RIMBP2: variants seen among roughly 807,000 people sequenced by gnomAD.
The protein encoded by RIMBP2 is RIMS-binding protein 2.
Under a neutral mutation model 118.6 loss-of-function variants are expected in RIMBP2, and 48 were observed. The observed-to-expected ratio is 0.40, with a 90% CI of 0.32 to 0.51. The LOEUF (loss-of-function observed/expected upper bound fraction) is 0.51, where lower values mean the gene tolerates loss of function less well. Among genes scored for constraint, RIMBP2 ranks in the 20% least tolerant of loss-of-function variants. The pLI is 0.41. For missense variants in RIMBP2, 1,551 were observed against 1,768.3 expected (o/e 0.88, Z 2.20); for synonymous variants, 762 against 742.9 (o/e 1.03, Z -0.42).
In RIMBP2 at chr12:130,490,157, G is replaced by C. The variant is rs567582927; in HGVS notation, c.-3-11141C>G. Among the ~76,000 whole-genome samples the C allele has an allele frequency of 2.3e-4, 34 of 149,182 alleles. No individual in the cohort carries two copies. In the South Asian group the frequency reaches 4.9e-3, roughly 22 times the overall value. ...AAAAAAAAAAAGATAAAAAAGAAAA[G>C]TGAATTAAGTAATGTTGAGGGGGTT... is the stretch of plus-strand genomic sequence containing the variant. On this transcript the variant is annotated intron_variant, in intron 4 of 22. Coordinates refer to ENST00000690449, the MANE Select transcript of RIMBP2 (RefSeq NM_001393629.1).
At position 130,438,483 on chromosome 12, in the gene RIMBP2, T is replaced by A. The variant is rs773439882; in HGVS notation, c.1538A>T (p.Gln513Leu). ...GATGGTGGCGGGGGTCACCCCAGCC[T>A]GGACGGTAACATCTTGTGGGGGTGC... Reference protein sequence around the residue: ...PPAPPQDVTVQAGVTPATIRV... With the variant: ...PPAPPQDVTVLAGVTPATIRV... The change falls in exon 12 of 23, where the codon CAG (glutamine) becomes CTG (leucine). Residue 513 changes from glutamine (Q) to leucine (L), a missense_variant. Physicochemically the swap from Gln to Leu is moderately radical, Grantham distance 113. Around this residue, in one of 5 missense-constraint regions of RIMBP2, gnomAD observed 1,038 missense variants for 1,125.1 expected, o/e 0.92. Coordinates refer to ENST00000690449, the MANE Select transcript of RIMBP2 (RefSeq NM_001393629.1). 8 of 1,611,462 alleles carry A rather than the reference T, an allele frequency of 5.0e-6. No individual in the cohort carries two copies. In the South Asian group the frequency reaches 8.8e-5, roughly 18 times the overall value.
intron 2 of RIMBP2, among the ~76,000 whole-genome samples, chr12:130,610,481 TAAGTA>T (rs1219643527): frequency 6.7e-6 from 1 of 148,560 alleles, no homozygotes; most frequent in African/African-American, 2.4e-5. Flanking sequence ...GGATAAAAAC[TAAGTA>T]ATGTGTCCTA....
chr12:130,533,750 T>G (rs2139395976), intron 2 of RIMBP2, among the ~76,000 whole-genome samples: 1 of 152,324 alleles, frequency 6.6e-6, no homozygotes, highest in Middle Eastern at 3.4e-3. Context: ...AAATTATGTC[T>G]TTTACAGCAA....
chr12:130,526,835 G>A (rs2052841255), intron 2 of RIMBP2, among the ~76,000 whole-genome samples: 1 of 152,010 alleles, frequency 6.6e-6, no homozygotes, highest in Non-Finnish European at 1.5e-5. Context: ...AGTGTGCTTG[G>A]TAATATTTTT....
intron 1 of RIMBP2, among the ~76,000 whole-genome samples, chr12:130,706,513 C>T (rs528992544): frequency 8.5e-5 from 13 of 152,366 alleles, no homozygotes; most frequent in South Asian, 2.1e-4. Flanking sequence ...GACACGTTCA[C>T]GGAGCAGCTC....
rs2051032393 is a variant in RIMBP2, at chr12:130,512,598, CAGG to C, written c.-127+5227_-127+5229del. On this transcript the variant is annotated intron_variant, in intron 3 of 22. Transcript: ENST00000690449. ...TTGGCCTCCCAAAGTGCTGGGATTA[CAGG>C]CGTGAGCCACCGCACCCGGCCTGGG... Among the ~76,000 whole-genome samples, 3 of 152,210 alleles carry C rather than the reference CAGG, an allele frequency of 2.0e-5. No homozygotes were observed. In the South Asian group the frequency reaches 6.2e-4, roughly 32 times the overall value.
chr12:130,644,896 A>T (rs1249021454), intron 1 of RIMBP2, among the ~76,000 whole-genome samples: 2 of 152,196 alleles, frequency 1.3e-5, no homozygotes, highest in Non-Finnish European at 2.9e-5. Flanking sequence ...TTCCCCACAC[A>T]GGCCCCTTAA....
At chr12:130,416,957 AT>A (rs1177479218) in intron 17 of RIMBP2, among the ~76,000 whole-genome samples, 1 of 151,544 alleles carries the variant, frequency 6.6e-6, no homozygotes, top group Non-Finnish European at 1.5e-5. Flanking sequence ...TAAATAAAAA[AT>A]ATATTTAAAA....
At chr12:130,579,676 G>A (rs2058331282) in intron 2 of RIMBP2, among the ~76,000 whole-genome samples, 1 of 152,100 alleles carries the variant, frequency 6.6e-6, no homozygotes, top group Non-Finnish European at 1.5e-5. Flanking sequence ...TTGAGCACAA[G>A]CTCATTGAGT....
chr12:130,535,932 A>G (rs73452800), intron 2 of RIMBP2, among the ~76,000 whole-genome samples: 1,860 of 151,904 alleles, frequency 0.012, 36 homozygotes, highest in African/African-American at 0.041. Context: ...GGTATGCACC[A>G]CCATATCCGC....
chr12:130,555,892 C>T (rs780859389), intron 2 of RIMBP2, among the ~76,000 whole-genome samples: 50 of 152,132 alleles, frequency 3.3e-4, no homozygotes, highest in Admixed American at 2.6e-4. Flanking sequence ...GAAAGGCAGC[C>T]GTGCAGGCCG....
At chr12:130,700,625 G>A (rs1415352415) in intron 1 of RIMBP2, among the ~76,000 whole-genome samples, 1 of 152,224 alleles carries the variant, frequency 6.6e-6, no homozygotes, top group Non-Finnish European at 1.5e-5. Flanking sequence ...TGGAGCCACT[G>A]GAAACTGGAA....
chr12:130,606,694 C>T (rs1826058227), intron 2 of RIMBP2, among the ~76,000 whole-genome samples: 1 of 152,150 alleles, frequency 6.6e-6, no homozygotes, highest in African/African-American at 2.4e-5. Context: ...ACTGGAGATA[C>T]TCTCCAGCCT....
intron 4 of RIMBP2, among the ~76,000 whole-genome samples, chr12:130,493,872 T>C (rs1340833977): frequency 6.6e-6 from 1 of 152,182 alleles, no homozygotes; most frequent in East Asian, 1.9e-4. Context: ...TGGTCTAGCC[T>C]GTTACATTTA....
At chr12:130,628,676 T>A (rs1307098826) in intron 1 of RIMBP2, among the ~76,000 whole-genome samples, 1 of 152,118 alleles carries the variant, frequency 6.6e-6, no homozygotes, top group Non-Finnish European at 1.5e-5. Flanking sequence ...CAACCAAATT[T>A]CCTGGTATGG....
At chr12:130,579,845 C>T (rs1483352478) in intron 2 of RIMBP2, among the ~76,000 whole-genome samples, 3 of 151,526 alleles carry the variant, frequency 2.0e-5, no homozygotes, top group Admixed American at 6.6e-5. Flanking sequence ...AACCAGAGCT[C>T]GAGGGAGGCA....
At chr12:130,501,873 C>T (rs149433281) in intron 4 of RIMBP2, among the ~76,000 whole-genome samples, 2 of 152,328 alleles carry the variant, frequency 1.3e-5, no homozygotes, top group African/African-American at 2.4e-5. Context: ...CTCCCTGCCC[C>T]GCACCACATC....
chr12:130,639,509 A>AAT, intron 1 of RIMBP2, among the ~76,000 whole-genome samples: 1 of 151,166 alleles, frequency 6.6e-6, no homozygotes, highest in African/African-American at 2.4e-5. Flanking sequence ...AAAAAAAAAA[A>AAT]AAAACCAACT....
At chr12:130,647,219 G>A (rs186769684) in intron 1 of RIMBP2, among the ~76,000 whole-genome samples, 33 of 152,216 alleles carry the variant, frequency 2.2e-4, no homozygotes, top group South Asian at 4.2e-4. Flanking sequence ...AAAAATTAGC[G>A]AGGCGTGATG....
Sources: allele counts gnomAD v4.1 joint callset (sites outside exome capture counted in the v4.1 genomes callset), GRCh38; gene constraint gnomAD v4.1.1; regional missense constraint gnomAD v4.1.1; transcripts MANE v1.5; gene names NCBI Gene and HGNC (gene_info 2026-07-23, HGNC 2026-07-21).